TMC5: variants seen among roughly 807,000 people sequenced by gnomAD.
The protein encoded by TMC5 is transmembrane channel like 5, also known as transmembrane channel-like protein 5.
TMC5 carries 86 observed loss-of-function variants against 110.5 expected under a neutral mutation model. The observed-to-expected ratio is 0.78, with a 90% confidence interval of 0.65 to 0.93. TMC5 has a LOEUF of 0.93. Among genes scored for constraint, TMC5 ranks in the 40% least tolerant of loss-of-function variants. The pLI, the probability that TMC5 is intolerant of heterozygous loss-of-function variation, is 0.00. For missense variants in TMC5, 1,144 were observed against 1,222.8 expected, an observed-to-expected ratio of 0.94 and a Z score of 0.96; for synonymous variants, 455 against 439.5, an observed-to-expected ratio of 1.04 and a Z score of -0.44.
intron 15 of TMC5, among the ~76,000 whole-genome samples, chr16:19,482,635 T>G (rs1968645429): frequency 6.6e-6 from 1 of 152,176 alleles, no homozygotes; most frequent in South Asian, 2.1e-4. Flanking sequence ...TTTGCATCCA[T>G]GTCTCCACAG....
chr16:19,455,367 G>A (rs113555678), intron 5 of TMC5, among the ~76,000 whole-genome samples: 10,723 of 152,096 alleles, frequency 0.071, 768 homozygotes, highest in African/African-American at 0.19. Context: ...GCTGCAGTGA[G>A]CCAAGATCAT....
chr16:19,450,997 C>T (rs986245686), intron 5 of TMC5, among the ~76,000 whole-genome samples: 1 of 151,996 alleles, frequency 6.6e-6, no homozygotes, highest in Non-Finnish European at 1.5e-5. Context: ...AAGCCAGGCA[C>T]GGGGGTTATG....
chr16:19,417,457 G>T (rs1265882082), upstream of TMC5, among the ~76,000 whole-genome samples: 1 of 151,132 alleles, frequency 6.6e-6, no homozygotes, highest in African/African-American at 2.4e-5. Flanking sequence ...AGTGCCCGGG[G>T]GTGTCTAGTG....
intron 1 of TMC5, among the ~76,000 whole-genome samples, chr16:19,426,302 G>T (rs1232845715): frequency 6.6e-6 from 1 of 152,194 alleles, no homozygotes; most frequent in East Asian, 1.9e-4. Context: ...TACATGCAGG[G>T]TGCATAAAAG....
chr16:19,413,907 G>T (rs1283162373), upstream of TMC5, among the ~76,000 whole-genome samples: 1 of 152,170 alleles, frequency 6.6e-6, no homozygotes. Context: ...AAACTGGGAT[G>T]ATTCTAGTAG....
At position 19,461,675 on chromosome 16, in the gene TMC5, C is replaced by A. The variant is rs147435619; in HGVS notation, c.1148+1341C>A. 3.4e-3 allele frequency among the ~76,000 whole-genome samples: 513 copies of A among 152,148 alleles called. 5 individuals carry two copies. The highest frequency in any genetic ancestry group is 2.1e-3 in the Non-Finnish European group (141 of 68,016). ...AACCCGAGGGTAAGGGCTGTTTTAG[C>A]CTTCAGAGTTTACATTAATTGTTGC... On this transcript the variant is annotated intron_variant, in intron 6 of 21. Coordinates refer to ENST00000542583, the MANE Select transcript of TMC5 (RefSeq NM_001261841.2).
At chr16:19,414,403 ACT>A (rs1312569126), upstream of TMC5, among the ~76,000 whole-genome samples, 2 of 151,770 alleles carry the variant, frequency 1.3e-5, no homozygotes, top group African/African-American at 4.8e-5. Flanking sequence ...AAGGTGAAAA[ACT>A]CTGCTAATTC....
At chr16:19,442,387 G>A (rs955922818) in intron 3 of TMC5, among the ~76,000 whole-genome samples, 1 of 146,002 alleles carries the variant, frequency 6.8e-6, no homozygotes, top group African/African-American at 2.5e-5. Flanking sequence ...GGAGTGCAGT[G>A]GCTCAGTTTT....
intron 4 of TMC5, among the ~76,000 whole-genome samples, chr16:19,446,691 AC>A (rs1470186470): frequency 6.6e-6 from 1 of 152,130 alleles, no homozygotes; most frequent in African/African-American, 2.4e-5. Context: ...CCAAAACCTG[AC>A]CTCTTATTTA....
At chr16:19,445,002 G>C (rs1967580195) in intron 4 of TMC5, among the ~76,000 whole-genome samples, 1 of 152,136 alleles carries the variant, frequency 6.6e-6, no homozygotes, top group Admixed American at 6.5e-5. Flanking sequence ...ATAGTGGAGG[G>C]CACCTGTAAT....
chr16:19,456,147 C>T (rs1460273820), intron 5 of TMC5, among the ~76,000 whole-genome samples: 1 of 151,752 alleles, frequency 6.6e-6, no homozygotes, highest in Non-Finnish European at 1.5e-5. Flanking sequence ...GTGGAGGTTA[C>T]AGTGAGCTGA....
Position 19,460,242 on chromosome 16 carries a change from G to A in TMC5, c.1056G>A (p.Lys352=), listed in dbSNP as rs1797904656. ...CDWHKSPQGQ[K]LIASLIPMTS... is the part of the protein sequence containing the mutation. ...CATTAATTTCTTTCATAGGACAGAAGTTAATCGCATCCCTTATACCCATGA... is the reference window on the plus strand; with the variant it reads ...CATTAATTTCTTTCATAGGACAGAAATTAATCGCATCCCTTATACCCATGA... The change falls in exon 6 of 22, where the codon AAG becomes AAA. Residue 352 remains lysine, a synonymous_variant. Coordinates refer to ENST00000542583, the MANE Select transcript of TMC5 (RefSeq NM_001261841.2). 1 of 1,610,608 alleles carries A rather than the reference G, an allele frequency of 6.2e-7. No homozygotes were observed. The highest frequency in any genetic ancestry group is 8.5e-7 in the Non-Finnish European group (1 of 1,177,532).
intron 5 of TMC5, among the ~76,000 whole-genome samples, chr16:19,458,622 A>G (rs1967945041): frequency 6.6e-6 from 1 of 152,216 alleles, no homozygotes; most frequent in East Asian, 1.9e-4. Context: ...CAAAGCATTT[A>G]GTAGGTTTAG....
chr16:19,477,595 A>G, intron 13 of TMC5, 77 bp downstream of exon 13: 1 of 981,700 alleles, frequency 1.0e-6, no homozygotes, highest in South Asian at 1.5e-5. Flanking sequence ...GTTTCTCAAG[A>G]GCCATCACAC....
chr16:19,472,105 C>T lies in TMC5; in HGVS notation c.1800C>T (p.Leu600=), dbSNP rs1968357733. Residue 600 remains leucine, a synonymous_variant, in exon 11 of 22, where the codon CTC becomes CTT. Transcript: ENST00000542583. ...GTTTCTAGGAGAACCTGTCAGAGCT[C>T]CGTCAGGAGAATTCCAAGTTGACGT... ...STEIRENLSE[L]RQENSKLTFN... is the part of the protein sequence containing the mutation. 1.9e-6 allele frequency: 3 copies of T among 1,613,994 alleles called. No individual in the cohort carries two copies. The African/African-American group carries it at 4.0e-5, about 22-fold the overall frequency.
intron 2 of TMC5, among the ~76,000 whole-genome samples, chr16:19,435,603 A>C (rs939972355): frequency 5.3e-5 from 8 of 151,948 alleles, no homozygotes; most frequent in Admixed American, 5.2e-4. Flanking sequence ...ACACACACAC[A>C]CATGCCTCCC....
At chr16:19,437,493 G>C (rs1010772319) in intron 2 of TMC5, among the ~76,000 whole-genome samples, 1 of 152,208 alleles carries the variant, frequency 6.6e-6, no homozygotes, top group Admixed American at 6.5e-5. Context: ...TTGGATGTGG[G>C]TTGGCACACG....
chr16:19,480,492 C>T (rs1007656570), intron 14 of TMC5, among the ~76,000 whole-genome samples: 2 of 151,966 alleles, frequency 1.3e-5, no homozygotes, highest in African/African-American at 4.8e-5. Context: ...TAGCCTCTGT[C>T]GAGGGCCTGG....
At chr16:19,419,017 C>T (rs953509694) in intron 1 of TMC5, among the ~76,000 whole-genome samples, 1 of 152,196 alleles carries the variant, frequency 6.6e-6, no homozygotes, top group Non-Finnish European at 1.5e-5. Flanking sequence ...GCATGAGCCA[C>T]CATGCACTGC....
Sources: gnomAD v4.1 joint callset for allele counts (sites outside exome capture counted in the v4.1 genomes callset) on GRCh38, gnomAD v4.1.1 for gene constraint, MANE v1.5 for transcripts, NCBI Gene and HGNC (gene_info 2026-07-23, HGNC 2026-07-21) for gene names.